RUFY1: variants seen among roughly 807,000 people sequenced by gnomAD.
RUFY1 encodes RUN and FYVE domain containing 1.
A neutral mutation model predicts 94.6 loss-of-function variants in RUFY1; 54 were observed. The ratio of observed to expected loss-of-function variants is 0.57; its 90% CI spans 0.46 to 0.72. The LOEUF (loss-of-function observed/expected upper bound fraction) is 0.72. RUFY1 is among the 30% of genes least tolerant of loss of function. The pLI is 0.00. For missense variants in RUFY1, 883 were observed against 883.9 expected, an observed-to-expected ratio of 1.00 and a Z score of 0.01; for synonymous variants, 396 against 347.3, an observed-to-expected ratio of 1.14 and a Z score of -1.56.
intron 8 of RUFY1, among the ~76,000 whole-genome samples, chr5:179,587,902 C>T (rs1441602940): frequency 6.6e-6 from 1 of 151,958 alleles, no homozygotes; most frequent in Non-Finnish European, 1.5e-5. Context: ...GTGACACACA[C>T]CTGTACTCCC....
intron 10 of RUFY1, among the ~76,000 whole-genome samples, chr5:179,593,223 G>A (rs149482181): frequency 1.8e-4 from 27 of 152,198 alleles, no homozygotes; most frequent in Middle Eastern, 3.4e-3. Flanking sequence ...GATTACAGGC[G>A]CATGCCACCA....
Position 179,594,976 on chromosome 5 carries a change from C to T in RUFY1, c.1511+13C>T, listed in dbSNP as rs2127559713. The T allele has an allele frequency of 2.6e-6, 4 of 1,556,662 alleles. No homozygotes were observed. The highest frequency in any genetic ancestry group is 3.5e-6 in the Non-Finnish European group (4 of 1,128,818). On this transcript the variant is annotated intron_variant, in intron 12 of 17. Coordinates refer to ENST00000319449, the MANE Select transcript of RUFY1 (RefSeq NM_025158.5). Reference sequence around the variant, plus strand: ...AAATGGAAGAAAGGTAATCACTTCCCCCTGGCAGATATTCTCGGGAAGGCT... The same window carrying T: ...AAATGGAAGAAAGGTAATCACTTCCTCCTGGCAGATATTCTCGGGAAGGCT...
chr5:179,580,459 G>A (rs1764063405), intron 6 of RUFY1, among the ~76,000 whole-genome samples: 1 of 151,300 alleles, frequency 6.6e-6, no homozygotes, highest in Non-Finnish European at 1.5e-5. Flanking sequence ...AGCCAGGATG[G>A]TCTCCATCTC....
chr5:179,558,572 CAAA>C (rs10664309), intron 1 of RUFY1, among the ~76,000 whole-genome samples: 3 of 137,128 alleles, frequency 2.2e-5, no homozygotes, highest in Non-Finnish European at 3.2e-5. Context: ...AACAACATCT[CAAA>C]AAAAAAAAAA....
intron 2 of RUFY1, among the ~76,000 whole-genome samples, chr5:179,560,853 TTAA>T (rs1416622292): frequency 2.0e-5 from 3 of 152,178 alleles, no homozygotes; most frequent in Admixed American, 2.0e-4. Context: ...AAAATTAGTG[TTAA>T]TAATATATTT....
At chr5:179,594,834 G>T (rs1400401947) in intron 11 of RUFY1, 32 bp from the exon 12 acceptor site, 2 of 1,414,342 alleles carry the variant, frequency 1.4e-6, no homozygotes, top group African/African-American at 2.9e-5. Flanking sequence ...TGTGGGACAG[G>T]CAGAGTATGA....
chr5:179,559,132 C>T (rs1762257125), intron 1 of RUFY1, among the ~76,000 whole-genome samples: 1 of 152,236 alleles, frequency 6.6e-6, no homozygotes, highest in Non-Finnish European at 1.5e-5. Flanking sequence ...GAGGGCCGCG[C>T]TTCGCACCTG....
At position 179,610,000 on chromosome 5, in the gene RUFY1, C is replaced by CATTT. The variant is rs1011271294; in HGVS notation, c.*486_*489dup. ...CCTATCATTGGCCCTGCAATAAAATCATTTATTTTTCACTCTGGTGCGTGC... is the reference window on the plus strand; with the variant it reads ...CCTATCATTGGCCCTGCAATAAAATCATTTATTTATTTTTCACTCTGGTGCGTGC... On this transcript the variant is annotated 3_prime_UTR_variant, in exon 18 of 18. Transcript: ENST00000319449. The CATTT allele has an allele frequency of 6.5e-6, 1 of 153,436 alleles. No individual in the cohort carries two copies. The highest frequency in any genetic ancestry group is 2.4e-5 in the African/African-American group (1 of 41,458). The allele number at this position is 153,436 out of a possible 1,614,324, so 9.5% of individuals were successfully genotyped here.
Position 179,560,541 on chromosome 5 carries a change from A to G in RUFY1, c.484+343A>G, listed in dbSNP as rs538988035. Among the ~76,000 whole-genome samples, 7 of 149,036 alleles carry G rather than the reference A, an allele frequency of 4.7e-5. No homozygotes were observed. In the East Asian group the frequency reaches 1.4e-3, roughly 29 times the overall value. On this transcript the variant is annotated intron_variant, in intron 2 of 17. Transcript: ENST00000319449. ...GAGACCATCCTGGCTAACACGGTGAAACCCGGTCTCTACTAAAAAAAAAAA... is the reference window on the plus strand; with the variant it reads ...GAGACCATCCTGGCTAACACGGTGAGACCCGGTCTCTACTAAAAAAAAAAA...
At chr5:179,560,680 C>G (rs1321939906) in intron 2 of RUFY1, among the ~76,000 whole-genome samples, 1 of 137,246 alleles carries the variant, frequency 7.3e-6, no homozygotes, top group Non-Finnish European at 1.5e-5. Context: ...GAGCTGAGAT[C>G]GCGCCACTGC....
chr5:179,607,777 C>A (rs1470977217), intron 17 of RUFY1, 118 bp downstream of exon 17: 4 of 852,494 alleles, frequency 4.7e-6, no homozygotes, highest in Non-Finnish European at 5.6e-6. Flanking sequence ...ACTGTGCTGA[C>A]TGTGGCAGAT....
At chr5:179,595,265 G>A (rs1014005712) in intron 12 of RUFY1, among the ~76,000 whole-genome samples, 1 of 152,308 alleles carries the variant, frequency 6.6e-6, no homozygotes, top group Admixed American at 6.5e-5. Flanking sequence ...GGATCACGAG[G>A]TCAGGAGATC....
intron 12 of RUFY1, chr5:179,595,808 C>G (rs1365355707): frequency 6.6e-6 from 1 of 152,304 alleles, no homozygotes; most frequent in Non-Finnish European, 1.5e-5. Context: ...CCTAGGCCTC[C>G]CAAAGTGCTG....
At chr5:179,575,814 C>T (rs754439568) in intron 5 of RUFY1, among the ~76,000 whole-genome samples, 5 of 152,072 alleles carry the variant, frequency 3.3e-5, no homozygotes, top group Non-Finnish European at 5.9e-5. Context: ...CAGTGTCTGA[C>T]TCTGTCACCC....
At chr5:179,551,954 A>G (rs1393018492) in intron 1 of RUFY1, among the ~76,000 whole-genome samples, 1 of 151,540 alleles carries the variant, frequency 6.6e-6, no homozygotes, top group African/African-American at 2.4e-5. Flanking sequence ...TCACGAGGTC[A>G]AGAGATCGAG....
At chr5:179,590,523 C>T (rs955088584) in intron 9 of RUFY1, among the ~76,000 whole-genome samples, 4 of 151,706 alleles carry the variant, frequency 2.6e-5, no homozygotes, top group Admixed American at 6.6e-5. Flanking sequence ...CTCCCTCTGT[C>T]GCCCAGGCTG....
At position 179,609,102 on chromosome 5, in the gene RUFY1, C is replaced by G. The variant is rs534460497; in HGVS notation, c.1984-274C>G. 3.3e-5 allele frequency among the ~76,000 whole-genome samples: 5 copies of G among 149,804 alleles called. No homozygotes were observed. The South Asian group carries it at 6.4e-4, about 19-fold the overall frequency. On this transcript the variant is annotated intron_variant, in intron 17 of 17. Transcript: ENST00000319449. ...GGTATAGTGGCGGGCACCTGTAGAC[C>G]CAGCTACTGCCGGAGAATGGCGTGA...
intron 14 of RUFY1, 67 bp from the exon 15 acceptor site, chr5:179,601,817 CAAAAAAAA>C (rs56169514): frequency 3.5e-4 from 181 of 519,684 alleles, no homozygotes; most frequent in East Asian, 5.7e-4. Flanking sequence ...GACCCTGTCT[CAAAAAAAA>C]AAAAAAAAAA....
intron 12 of RUFY1, among the ~76,000 whole-genome samples, chr5:179,595,270 G>A (rs1025438908): frequency 5.9e-5 from 9 of 152,152 alleles, no homozygotes; most frequent in Non-Finnish European, 1.3e-4. Context: ...ACGAGGTCAG[G>A]AGATCGAGAC....
Sources: gnomAD v4.1 joint callset for allele counts (sites outside exome capture counted in the v4.1 genomes callset) on GRCh38, gnomAD v4.1.1 for gene constraint, MANE v1.5 for transcripts, NCBI Gene and HGNC (gene_info 2026-07-23, HGNC 2026-07-21) for gene names.